MAMDC2: variants seen among roughly 807,000 people sequenced by gnomAD.
MAMDC2 encodes the protein MAM domain-containing protein 2.
Under a neutral mutation model 89.8 loss-of-function variants are expected in MAMDC2, and 57 were observed. The ratio of observed to expected loss-of-function variants is 0.63; its 90% CI spans 0.51 to 0.79. The LOEUF is 0.79. MAMDC2 is among the 30% of genes least tolerant of loss of function. The probability of loss-of-function intolerance (pLI) is 0.00; values close to 1 mark genes in which losing one functional copy is unlikely to be tolerated. For missense variants in MAMDC2, 800 were observed against 820.6 expected, an observed-to-expected ratio of 0.97 and a Z score of 0.31; for synonymous variants, 313 against 293.4, an observed-to-expected ratio of 1.07 and a Z score of -0.68.
chr9:70,160,338 T>A (rs1192763242), intron 9 of MAMDC2, among the ~76,000 whole-genome samples: 1 of 152,110 alleles, frequency 6.6e-6, no homozygotes, highest in Non-Finnish European at 1.5e-5. Flanking sequence ...CTTTATGGGG[T>A]AATTAAATAT....
intron 2 of MAMDC2, among the ~76,000 whole-genome samples, chr9:70,093,496 G>C (rs934294900): frequency 2.0e-5 from 3 of 151,056 alleles, no homozygotes; most frequent in Non-Finnish European, 2.9e-5. Flanking sequence ...TAAGATCTCG[G>C]GTTACTGAAA....
chr9:70,101,589 CATT>C (rs1394154446), intron 2 of MAMDC2, among the ~76,000 whole-genome samples: 1 of 152,136 alleles, frequency 6.6e-6, no homozygotes, highest in Non-Finnish European at 1.5e-5. Context: ...AAGTACTTAT[CATT>C]GTGTTTCAAT....
At chr9:70,087,665 T>C (rs1001249979) in intron 2 of MAMDC2, 4 of 152,086 alleles carry the variant, frequency 2.6e-5, no homozygotes, top group Non-Finnish European at 5.9e-5. Flanking sequence ...GTCAGCCCCA[T>C]TCAAATCATT....
intron 5 of MAMDC2, 24 bp downstream of exon 5, chr9:70,113,156 C>T (rs1828556730): frequency 1.2e-6 from 2 of 1,612,326 alleles, no homozygotes; most frequent in Non-Finnish European, 1.7e-6. Context: ...AAATAGAGTC[C>T]TTTTCCCAGG....
At chr9:70,163,232 T>TC (rs937174910) in intron 9 of MAMDC2, among the ~76,000 whole-genome samples, 30 of 146,614 alleles carry the variant, frequency 2.0e-4, no homozygotes, top group Admixed American at 4.7e-4. Context: ...TTTCTTTCTT[T>TC]TTTTTTTTTT....
At chr9:70,209,717 T>C (rs1224920532) in intron 11 of MAMDC2, among the ~76,000 whole-genome samples, 1 of 152,226 alleles carries the variant, frequency 6.6e-6, no homozygotes, top group African/African-American at 2.4e-5. Flanking sequence ...GTTATTTTAA[T>C]TGTGATGTTA....
At chr9:70,153,136 C>T (rs980474474) in intron 9 of MAMDC2, 3 of 152,104 alleles carry the variant, frequency 2.0e-5, no homozygotes, top group African/African-American at 7.2e-5. Flanking sequence ...CAATTATAAA[C>T]AGTTTACAAT....
At chr9:70,096,539 A>G (rs1244419783) in intron 2 of MAMDC2, among the ~76,000 whole-genome samples, 1 of 152,088 alleles carries the variant, frequency 6.6e-6, no homozygotes, top group African/African-American at 2.4e-5. Context: ...AACTTTCTCC[A>G]TCTAGAACTT....
intron 2 of MAMDC2, among the ~76,000 whole-genome samples, chr9:70,067,374 C>G (rs1015485742): frequency 6.6e-6 from 1 of 152,126 alleles, no homozygotes; most frequent in African/African-American, 2.4e-5. Context: ...CACTCCCTGT[C>G]CCTCATCTGT....
At chr9:70,145,900 T>A (rs910034882) in intron 9 of MAMDC2, among the ~76,000 whole-genome samples, 2 of 152,088 alleles carry the variant, frequency 1.3e-5, no homozygotes, top group African/African-American at 4.8e-5. Flanking sequence ...CTAACTACCA[T>A]GCAATGTCAT....
chr9:70,103,214 T>C (rs1243129126), intron 2 of MAMDC2, among the ~76,000 whole-genome samples: 1 of 152,214 alleles, frequency 6.6e-6, no homozygotes, highest in Non-Finnish European at 1.5e-5. Flanking sequence ...CTGAACTTTA[T>C]GGTGTTCTGC....
chr9:70,102,679 GT>G (rs561322065), intron 2 of MAMDC2, among the ~76,000 whole-genome samples: 22 of 152,244 alleles, frequency 1.4e-4, no homozygotes, highest in African/African-American at 5.1e-4. Flanking sequence ...CTTAATGATT[GT>G]TTTTGATTGC....
chr9:70,208,483 T>G (rs2033277719), intron 11 of MAMDC2, among the ~76,000 whole-genome samples: 1 of 152,218 alleles, frequency 6.6e-6, no homozygotes. Flanking sequence ...ACATTGATTT[T>G]GTATCCTGAG....
rs1587480773 is a variant in MAMDC2 at position 70,111,337 on chromosome 9, A to C, written c.505+1533A>C. 2.0e-5 allele frequency among the ~76,000 whole-genome samples: 3 copies of C among 152,378 alleles called. No individual in the cohort carries two copies. The South Asian group carries it at 6.2e-4, about 32-fold the overall frequency. On this transcript the variant is annotated intron_variant, in intron 4 of 13. Coordinates refer to ENST00000377182, the MANE Select transcript of MAMDC2 (RefSeq NM_153267.5). ...AAACATGTTAATTGCCTTTCTTCAA[A>C]TGATGTGGTGACTTCTGATTTGTTT...
chr9:70,149,371 G>A (rs1468963228), intron 9 of MAMDC2, among the ~76,000 whole-genome samples: 1 of 152,056 alleles, frequency 6.6e-6, no homozygotes, highest in Non-Finnish European at 1.5e-5. Context: ...GGAAGGAAAG[G>A]AAGCAGGATC....
chr9:70,100,449 T>C (rs3015191), intron 2 of MAMDC2, among the ~76,000 whole-genome samples: 9,749 of 152,136 alleles, frequency 0.064, 995 homozygotes, highest in African/African-American at 0.21. Flanking sequence ...AAGATCCTCG[T>C]TTGAGTTCAG....
At chr9:70,202,363 T>C (rs1033811045) in intron 11 of MAMDC2, among the ~76,000 whole-genome samples, 1 of 152,192 alleles carries the variant, frequency 6.6e-6, no homozygotes, top group African/African-American at 2.4e-5. Context: ...GTTGAGCGGC[T>C]TTGAGTGGGA....
At position 70,226,773 on chromosome 9, in the gene MAMDC2, G is replaced by A. The variant is rs1177151949; in HGVS notation, c.*741G>A. 1 of 151,814 alleles carries A rather than the reference G, an allele frequency of 6.6e-6. No individual in the cohort carries two copies. The highest frequency in any genetic ancestry group is 1.5e-5 in the Non-Finnish European group (1 of 67,868). The allele number at this position is 151,814 out of a possible 1,614,324, so 9.4% of individuals were successfully genotyped here. The stretch of plus-strand genomic sequence containing the variant: ...TAAAATGTTTATGTATACATACCCA[G>A]CAACTTTTATAAATGTGTTAAACAA... On this transcript the variant is annotated 3_prime_UTR_variant, in exon 14 of 14. Coordinates refer to ENST00000377182, the MANE Select transcript of MAMDC2 (RefSeq NM_153267.5).
At position 70,144,628 on chromosome 9, in the gene MAMDC2, A is replaced by G. The variant is rs150483061; in HGVS notation, c.1404+809A>G. Among the ~76,000 whole-genome samples the G allele has an allele frequency of 4.4e-3, 677 of 152,348 alleles. 7 individuals carry two copies. The highest frequency in any genetic ancestry group is 0.016 in the African/African-American group (647 of 41,578). The stretch of plus-strand genomic sequence containing the variant: ...TCCCAAAGAAAAATAAGAAAGTGCT[A>G]TCCTTCAAACAGATAACTCACACAG... On this transcript the variant is annotated intron_variant, in intron 9 of 13. Transcript: ENST00000377182.
Sources: gnomAD v4.1 joint callset for allele counts (sites outside exome capture counted in the v4.1 genomes callset) on GRCh38, gnomAD v4.1.1 for gene constraint, MANE v1.5 for transcripts, NCBI Gene and HGNC (gene_info 2026-07-23, HGNC 2026-07-21) for gene names.